PMM2: variants seen among roughly 807,000 people sequenced by gnomAD.
PMM2 encodes the protein phosphomannomutase 2.
In PMM2, 35 loss-of-function variants were observed where a neutral mutation model predicts 33.2. That is an observed-to-expected ratio of 1.06 (90% CI 0.81 to 1.40). The LOEUF (loss-of-function observed/expected upper bound fraction) is 1.40. Among genes scored for constraint, PMM2 ranks in the 40% most tolerant of loss-of-function variants. The pLI is 0.00. For synonymous variants in PMM2, 153 were observed against 114.7 expected (o/e 1.33, Z -2.13); for missense variants, 386 against 306.0 (o/e 1.26, Z -1.95).
chr16:8,836,411 G>A (rs1464963409), intron 7 of PMM2, among the ~76,000 whole-genome samples: 17 of 151,926 alleles, frequency 1.1e-4, no homozygotes, highest in Non-Finnish European at 2.1e-4. Flanking sequence ...GATGGGACGC[G>A]GCTTAGGAGG....
intron 4 of PMM2, chr16:8,808,034 C>G (rs1372930950): frequency 2.0e-5 from 3 of 152,144 alleles, no homozygotes; most frequent in Non-Finnish European, 4.4e-5. Flanking sequence ...CTATGTAACA[C>G]CTTAATCATC....
intron 7 of PMM2, among the ~76,000 whole-genome samples, chr16:8,839,385 G>T (rs2060874160): frequency 1.3e-5 from 2 of 152,000 alleles, no homozygotes; most frequent in Admixed American, 6.6e-5. Flanking sequence ...TAGAGTCCTA[G>T]GGATCCAGCT....
chr16:8,827,369 G>C (rs1453139724), intron 7 of PMM2, among the ~76,000 whole-genome samples: 1 of 151,336 alleles, frequency 6.6e-6, no homozygotes, highest in East Asian at 1.9e-4. Context: ...AAGCACAAAG[G>C]CCTTTTTTTT....
chr16:8,847,617 G>T (rs2060935742), intron 7 of PMM2, 107 bp from the exon 8 acceptor site: 1 of 794,336 alleles, frequency 1.3e-6, no homozygotes, highest in East Asian at 2.5e-5. Flanking sequence ...AACTCTCCCT[G>T]CCCAGTTAAA....
chr16:8,797,978 C>T (rs1473728828), intron 1 of PMM2, 30 bp downstream of exon 1: 1 of 1,574,104 alleles, frequency 6.4e-7, no homozygotes, highest in Non-Finnish European at 8.6e-7. Flanking sequence ...CTGCTGGCAG[C>T]CGACGCGGAG....
rs3743807 is a variant in PMM2 at position 8,813,168 on chromosome 16, C to T, written c.639+62C>T. On this transcript the variant is annotated intron_variant, in intron 7 of 7. Coordinates refer to ENST00000268261, the MANE Select transcript of PMM2 (RefSeq NM_000303.3). ...ATTTGCGCTTGATGGGGGAAATTGA[C>T]AACTGGGCTGTTTTTCCTGTACCTA... The T allele has an allele frequency of 0.15, 161,144 of 1,046,640 alleles. 13,010 individuals are homozygous for T. The highest frequency in any genetic ancestry group is 0.21 in the East Asian group (8,914 of 42,326). The allele number at this position is 1,046,640 out of a possible 1,614,324, so 64.8% of individuals were successfully genotyped here.
chr16:8,815,736 A>G (rs1209754294), intron 7 of PMM2, among the ~76,000 whole-genome samples: 1 of 152,212 alleles, frequency 6.6e-6, no homozygotes, highest in African/African-American at 2.4e-5. Context: ...GAAAAAAAAC[A>G]TAGGGAAAAA....
chr16:8,823,815 G>A (rs1036492416), intron 7 of PMM2, among the ~76,000 whole-genome samples: 18 of 152,140 alleles, frequency 1.2e-4, no homozygotes, highest in East Asian at 1.9e-4. Context: ...CAGGAACCCC[G>A]TACAGGGACT....
intron 7 of PMM2, among the ~76,000 whole-genome samples, chr16:8,814,115 A>T (rs967739172): frequency 6.6e-6 from 1 of 151,712 alleles, no homozygotes; most frequent in African/African-American, 2.4e-5. Flanking sequence ...GATCCAATCA[A>T]CTCGGCCGCT....
intron 7 of PMM2, among the ~76,000 whole-genome samples, chr16:8,816,684 T>C (rs1023952783): frequency 1.3e-5 from 2 of 152,064 alleles, no homozygotes; most frequent in African/African-American, 4.8e-5. Flanking sequence ...GAGGTTGCAG[T>C]GAGCTGAGAT....
At chr16:8,807,376 C>T (rs1011981976) in intron 4 of PMM2, among the ~76,000 whole-genome samples, 8 of 152,180 alleles carry the variant, frequency 5.3e-5, no homozygotes, top group Admixed American at 4.6e-4. Context: ...TACTCCGGCT[C>T]CCAGTTCCCT....
At chr16:8,832,118 C>A in intron 7 of PMM2, 1 of 984,980 alleles carries the variant, frequency 1.0e-6, no homozygotes, top group Non-Finnish European at 1.2e-6. Flanking sequence ...ACTTGCTTTG[C>A]AGCTACTCTG....
intron 1 of PMM2, among the ~76,000 whole-genome samples, chr16:8,798,908 G>A (rs1350627637): frequency 6.6e-6 from 1 of 152,136 alleles, no homozygotes; most frequent in African/African-American, 2.4e-5. Context: ...GACCTTAGAC[G>A]TATCATTTTG....
chr16:8,819,024 C>G (rs1200973058), intron 7 of PMM2, among the ~76,000 whole-genome samples: 2 of 152,222 alleles, frequency 1.3e-5, no homozygotes, highest in African/African-American at 2.4e-5. Flanking sequence ...GTCATCTTGG[C>G]TTTAAGGCAG....
chr16:8,803,083 T>G (rs534232774), intron 2 of PMM2, among the ~76,000 whole-genome samples: 41 of 152,308 alleles, frequency 2.7e-4, no homozygotes, highest in African/African-American at 8.9e-4. Flanking sequence ...CATACGGCTA[T>G]GACTACCAGA....
chr16:8,816,468 C>T (rs191654664), intron 7 of PMM2, among the ~76,000 whole-genome samples: 7 of 150,934 alleles, frequency 4.6e-5, no homozygotes, highest in African/African-American at 9.7e-5. Context: ...TGGCTGGGTG[C>T]GGTGGCTCAC....
chr16:8,811,570 C>T, intron 5 of PMM2, 68 bp from the exon 6 acceptor site: 1 of 935,980 alleles, frequency 1.1e-6, no homozygotes, highest in Non-Finnish European at 1.8e-6. Flanking sequence ...CCTTTGTGGC[C>T]AGTAGTTAAA....
At chr16:8,816,508 A>C (rs1034536448) in intron 7 of PMM2, among the ~76,000 whole-genome samples, 3 of 151,242 alleles carry the variant, frequency 2.0e-5, no homozygotes, top group African/African-American at 7.3e-5. Context: ...TGGGAGGCCA[A>C]GGTGGGCGGA....
intron 7 of PMM2, among the ~76,000 whole-genome samples, chr16:8,836,540 T>G (rs1384601008): frequency 6.6e-6 from 1 of 151,986 alleles, no homozygotes; most frequent in Non-Finnish European, 1.5e-5. Flanking sequence ...CGTTTGGAAG[T>G]TCTTGTGTGC....
Sources: allele counts gnomAD v4.1 joint callset (sites outside exome capture counted in the v4.1 genomes callset), GRCh38; gene constraint gnomAD v4.1.1; transcripts MANE v1.5; gene names NCBI Gene and HGNC (gene_info 2026-07-23, HGNC 2026-07-21).